USP48: variants seen among roughly 807,000 people sequenced by gnomAD.
USP48 encodes ubiquitin specific peptidase 48, also known as ubiquitin carboxyl-terminal hydrolase 48.
USP48 carries 43 observed loss-of-function variants against 150.7 expected under a neutral mutation model. That is an observed-to-expected ratio of 0.29 (90% confidence interval 0.22 to 0.37). USP48 has a LOEUF of 0.37. Ranked by LOEUF, USP48 falls within the 10% of genes least tolerant of loss-of-function variation. The pLI is 1.00. For synonymous variants in USP48, 396 were observed against 425.9 expected (o/e 0.93, Z 0.86); for missense variants, 813 against 1,249.6 (o/e 0.65, Z 5.27).
At chr1:21,776,781 C>T (rs2097900290) in intron 1 of USP48, among the ~76,000 whole-genome samples, 1 of 151,984 alleles carries the variant, frequency 6.6e-6, no homozygotes, top group Admixed American at 6.6e-5. Context: ...TGGCAAAACC[C>T]CATCTCTACT....
chr1:21,745,826 T>C (rs1364520385), intron 8 of USP48, among the ~76,000 whole-genome samples: 2 of 152,184 alleles, frequency 1.3e-5, no homozygotes, highest in East Asian at 3.8e-4. Flanking sequence ...TCAATTTCAA[T>C]TGCCTGAACA....
At chr1:21,742,578 AAAAAG>A (rs201552575) in intron 8 of USP48, among the ~76,000 whole-genome samples, 86 of 149,470 alleles carry the variant, frequency 5.8e-4, no homozygotes, top group African/African-American at 1.4e-3. Flanking sequence ...AAAGAAAAAG[AAAAAG>A]AAAAGAAAAG....
chr1:21,758,197 C>CACAT (rs923138904), intron 1 of USP48, among the ~76,000 whole-genome samples: 7 of 150,450 alleles, frequency 4.7e-5, no homozygotes, highest in African/African-American at 9.9e-5. Context: ...CACACACACA[C>CACAT]ACACACACAC....
intron 6 of USP48, among the ~76,000 whole-genome samples, chr1:21,751,079 G>A (rs2097811527): frequency 6.6e-6 from 1 of 152,082 alleles, no homozygotes; most frequent in African/African-American, 2.4e-5. Context: ...TTTCCACTCA[G>A]AACAGAAAGG....
At chr1:21,712,869 C>G (rs911045112) in intron 15 of USP48, among the ~76,000 whole-genome samples, 1 of 152,040 alleles carries the variant, frequency 6.6e-6, no homozygotes, top group South Asian at 2.1e-4. Flanking sequence ...CTCAACTGAT[C>G]CGCCTGCCTC....
chr1:21,760,919 C>T (rs1221826953), intron 1 of USP48, among the ~76,000 whole-genome samples: 1 of 151,912 alleles, frequency 6.6e-6, no homozygotes, highest in Non-Finnish European at 1.5e-5. Flanking sequence ...CATGGAGAAA[C>T]CCTGTCTCTA....
intron 14 of USP48, among the ~76,000 whole-genome samples, chr1:21,717,244 A>G (rs1205533002): frequency 6.6e-6 from 1 of 151,424 alleles, no homozygotes; most frequent in Non-Finnish European, 1.5e-5. Flanking sequence ...TCTCTACAAA[A>G]AGTACAAAAA....
chr1:21,701,446 C>A, intron 22 of USP48, 52 bp downstream of exon 22: 1 of 1,477,070 alleles, frequency 6.8e-7, no homozygotes, highest in East Asian at 2.3e-5. Flanking sequence ...CGAGTGGCTG[C>A]TCTATAAGAA....
At position 21,751,515 on chromosome 1, in the gene USP48, A is replaced by C; in HGVS notation, c.766T>G (p.Phe256Val). Reference protein sequence around the residue: ...HKQLTDCISEFLKEEKLEGDN... With the variant: ...HKQLTDCISEVLKEEKLEGDN... ...CACCAAAATTTGAATACCTTCAAAA[A>C]TTCCGAGATACAATCTGTTAACTGT... The change falls in exon 6 of 27, where the codon TTT (phenylalanine) becomes GTT (valine). Residue 256 changes from phenylalanine to valine, a missense_variant. Transcript: ENST00000308271. 1 of 1,613,490 alleles carries C rather than the reference A, an allele frequency of 6.2e-7. No individual in the cohort carries two copies. Among genetic ancestry groups the C allele is most frequent in the Non-Finnish European group, 8.5e-7 (1 of 1,179,732 alleles).
intron 8 of USP48, among the ~76,000 whole-genome samples, chr1:21,744,777 TAAAAAAAA>T (rs10699993): frequency 1.7e-5 from 1 of 59,594 alleles, no homozygotes; most frequent in African/African-American, 7.0e-5. Flanking sequence ...ACTCTATCTC[TAAAAAAAA>T]AAAAAAAAAA....
chr1:21,776,839 C>T (rs565209364), intron 1 of USP48, among the ~76,000 whole-genome samples: 2 of 151,882 alleles, frequency 1.3e-5, no homozygotes, highest in South Asian at 2.1e-4. Flanking sequence ...GCCAGCTACT[C>T]GGGAGGCTGA....
chr1:21,746,928 T>C (rs921331943), intron 8 of USP48, 139 bp downstream of exon 8: 3 of 609,464 alleles, frequency 4.9e-6, no homozygotes, highest in South Asian at 2.5e-5. Context: ...AAAAAAGTCT[T>C]TGTTCCCAGA....
At chr1:21,711,479 A>G (rs2097690069) in intron 15 of USP48, among the ~76,000 whole-genome samples, 1 of 152,136 alleles carries the variant, frequency 6.6e-6, no homozygotes, top group Non-Finnish European at 1.5e-5. Context: ...CACAGAGACA[A>G]ATGAAGTGAC....
At chr1:21,687,385 C>T (rs529161870) in intron 24 of USP48, 146 bp from the exon 25 acceptor site, 5 of 747,964 alleles carry the variant, frequency 6.7e-6, no homozygotes, top group East Asian at 5.4e-5. Context: ...CAGCCAGCAG[C>T]GTCCAGGTTT....
chr1:21,779,365 C>T (rs968138531), intron 1 of USP48, among the ~76,000 whole-genome samples: 12 of 151,786 alleles, frequency 7.9e-5, no homozygotes, highest in African/African-American at 1.9e-4. Flanking sequence ...GCCAACTTGG[C>T]GAAACCCAGT....
At chr1:21,764,263 AC>A (rs2097856523) in intron 1 of USP48, among the ~76,000 whole-genome samples, 1 of 151,770 alleles carries the variant, frequency 6.6e-6, no homozygotes, top group Admixed American at 6.6e-5. Flanking sequence ...TATGGCGAAA[AC>A]CCATCTTTAC....
At chr1:21,758,521 T>C (rs187916793) in intron 1 of USP48, among the ~76,000 whole-genome samples, 33 of 152,180 alleles carry the variant, frequency 2.2e-4, no homozygotes, top group Non-Finnish European at 4.1e-4. Context: ...CCCAGCACTT[T>C]GGGAGGCTGA....
intron 1 of USP48, among the ~76,000 whole-genome samples, chr1:21,770,734 G>A (rs577004628): frequency 6.6e-6 from 1 of 151,480 alleles, no homozygotes; most frequent in African/African-American, 2.4e-5. Flanking sequence ...CGCCTGCATC[G>A]GCCTCCCAAA....
intron 3 of USP48, among the ~76,000 whole-genome samples, chr1:21,754,367 G>A (rs1382899495): frequency 1.3e-5 from 2 of 152,138 alleles, no homozygotes; most frequent in Non-Finnish European, 2.9e-5. Flanking sequence ...TCACACTTAA[G>A]TGAAGAATAC....
Sources: gnomAD v4.1 joint callset for allele counts (sites outside exome capture counted in the v4.1 genomes callset) on GRCh38, gnomAD v4.1.1 for gene constraint, MANE v1.5 for transcripts, NCBI Gene and HGNC (gene_info 2026-07-23, HGNC 2026-07-21) for gene names.